Variants in SLC15A2 observed in about 807,000 individuals in gnomAD.
SLC15A2 encodes the protein kidney H(+)/peptide cotransporter.
SLC15A2 carries 77 observed loss-of-function variants against 95.5 expected under a neutral mutation model. The observed-to-expected ratio is 0.81, with a 90% CI of 0.67 to 0.97. The LOEUF (loss-of-function observed/expected upper bound fraction) is 0.97, where lower values mean the gene tolerates loss of function less well. Ranked by LOEUF, SLC15A2 falls within the 50% of genes least tolerant of loss-of-function variation. SLC15A2 has a pLI of 0.00. For missense variants in SLC15A2, 893 were observed against 874.4 expected (o/e 1.02, Z -0.27); for synonymous variants, 306 against 306.9 (o/e 1.00, Z 0.03).
chr3:121,917,115 C>G (rs1709911396), intron 7 of SLC15A2, among the ~76,000 whole-genome samples: 1 of 152,138 alleles, frequency 6.6e-6, no homozygotes, highest in Non-Finnish European at 1.5e-5. Context: ...CCACCACGCC[C>G]AGCCAATTAA....
At chr3:121,910,416 C>T (rs1161293682) in intron 3 of SLC15A2, among the ~76,000 whole-genome samples, 2 of 152,004 alleles carry the variant, frequency 1.3e-5, no homozygotes, top group Admixed American at 6.5e-5. Context: ...AGGATGGTCT[C>T]GATCTCCTGA....
intron 7 of SLC15A2, among the ~76,000 whole-genome samples, chr3:121,919,169 G>A (rs1380439587): frequency 6.6e-6 from 1 of 152,190 alleles, no homozygotes; most frequent in Non-Finnish European, 1.5e-5. Flanking sequence ...GTAGTTCAAC[G>A]AGCAGGAGCA....
intron 1 of SLC15A2, 59 bp downstream of exon 1, chr3:121,894,640 T>C (rs1326862237): frequency 2.3e-6 from 3 of 1,327,612 alleles, no homozygotes; most frequent in Non-Finnish European, 3.2e-6. Flanking sequence ...TTTGGCTCTC[T>C]TCCTTGGGCT....
intron 7 of SLC15A2, among the ~76,000 whole-genome samples, chr3:121,921,060 A>G (rs1298989551): frequency 6.6e-6 from 1 of 152,240 alleles, no homozygotes; most frequent in Non-Finnish European, 1.5e-5. Flanking sequence ...AAATAAAAGG[A>G]AAATTAAAGA....
At chr3:121,920,670 C>T (rs190124969) in intron 7 of SLC15A2, among the ~76,000 whole-genome samples, 1 of 152,150 alleles carries the variant, frequency 6.6e-6, no homozygotes, top group African/African-American at 2.4e-5. Context: ...TTTCTATCAA[C>T]CATGAGAAGG....
At chr3:121,924,831 A>G (rs1710080793) in intron 12 of SLC15A2, 114 bp from the exon 13 acceptor site, 4 of 788,142 alleles carry the variant, frequency 5.1e-6, no homozygotes, top group African/African-American at 3.4e-5. Flanking sequence ...TGTACTTACA[A>G]TGACAAAAGT....
In SLC15A2 at chr3:121,895,427, T is replaced by C. The variant is rs540181104; in HGVS notation, c.105+846T>C. On this transcript the variant is annotated intron_variant, in intron 1 of 21. Transcript: ENST00000489711. Reference sequence around the variant, plus strand: ...AACAAGCTATTATAAAACATTAAAATATATTAATATTTAGGAGGATCATTT... The same window carrying C: ...AACAAGCTATTATAAAACATTAAAACATATTAATATTTAGGAGGATCATTT... 31 of 152,340 alleles carry C rather than the reference T, an allele frequency of 2.0e-4. No homozygotes were observed. The South Asian group carries it at 6.4e-3, about 32-fold the overall frequency. 9.4% of individuals were successfully genotyped at this position (152,340 alleles called of 1,614,324 possible).
chr3:121,895,159 T>C (rs1303050615), intron 1 of SLC15A2, among the ~76,000 whole-genome samples: 1 of 152,226 alleles, frequency 6.6e-6, no homozygotes, highest in African/African-American at 2.4e-5. Flanking sequence ...GAGGATATAG[T>C]AATGATAGCC....
At chr3:121,918,695 A>G (rs1364917390) in intron 7 of SLC15A2, among the ~76,000 whole-genome samples, 4 of 152,210 alleles carry the variant, frequency 2.6e-5, no homozygotes, top group Non-Finnish European at 5.9e-5. Flanking sequence ...GTTATCTTGG[A>G]TATGAAGAAG....
At position 121,941,718 on chromosome 3, in the gene SLC15A2, T is replaced by C. The variant is rs1191372326; in HGVS notation, c.*711T>C. 2 of 152,252 alleles carry C rather than the reference T, an allele frequency of 1.3e-5. No homozygotes were observed. Among genetic ancestry groups the C allele is most frequent in the Non-Finnish European group, 2.9e-5 (2 of 68,046 alleles). The allele number at this position is 152,252 out of a possible 1,614,324, so 9.4% of individuals were successfully genotyped here. ...AGAGATAGTAAGCATTAGTAAACAT[T>C]GTTCTGGAGAACAGGAACAGGTGTA... is the stretch of plus-strand genomic sequence containing the variant. On this transcript the variant is annotated 3_prime_UTR_variant, in exon 22 of 22. Coordinates refer to ENST00000489711, the MANE Select transcript of SLC15A2 (RefSeq NM_021082.4).
chr3:121,897,463 G>T lies in SLC15A2; in HGVS notation c.269G>T (p.Ser90Ile). The change falls in exon 3 of 22, where the codon AGC becomes ATC. Residue 90 changes from serine to isoleucine, a missense_variant. Physicochemically the swap from Ser to Ile is moderately radical, Grantham distance 142. Transcript: ENST00000489711. ...TCCACATCTATATACCATGCCTTCA[G>T]CAGCCTCTGTTATTTTACTCCCATC... The part of the protein sequence containing the change: ...DTSTSIYHAF[S>I]SLCYFTPILG... The T allele has an allele frequency of 6.2e-7, 1 of 1,613,834 alleles. No homozygotes were observed. Among genetic ancestry groups the T allele is most frequent in the Non-Finnish European group, 8.5e-7 (1 of 1,179,942 alleles).
chr3:121,899,437 TC>T (rs141058731), intron 3 of SLC15A2, among the ~76,000 whole-genome samples: 3,827 of 152,228 alleles, frequency 0.025, 146 homozygotes, highest in African/African-American at 0.087. Flanking sequence ...CAGAGTCTTT[TC>T]CTTCAACTAG....
At chr3:121,917,374 GCATAGAAGCAAT>G in intron 7 of SLC15A2, among the ~76,000 whole-genome samples, 1 of 152,286 alleles carries the variant, frequency 6.6e-6, no homozygotes, top group Middle Eastern at 3.4e-3. Flanking sequence ...CTATGGGAAT[GCATAGAAGCAAT>G]GTTTAATTAA....
At position 121,929,454 on chromosome 3, in the gene SLC15A2, G is replaced by A. The variant is rs939895765; in HGVS notation, c.1553+106G>A. The A allele has an allele frequency of 2.8e-5, 34 of 1,228,724 alleles. 1 individual carries two copies. Among genetic ancestry groups the A allele is most frequent in the South Asian group, 1.3e-4 (10 of 75,902 alleles). The allele number at this position is 1,228,724 out of a possible 1,614,324, so 76.1% of individuals were successfully genotyped here. ...TTGTTCTGAACAGGAATTCCCTCTC[G>A]TAGAATGCCAGGGGCACTGGTGTCA... is the stretch of plus-strand genomic sequence containing the variant. On this transcript the variant is annotated intron_variant, in intron 17 of 21. Transcript: ENST00000489711.
intron 15 of SLC15A2, 88 bp downstream of exon 15, chr3:121,928,643 TC>T (rs768309844): frequency 2.3e-4 from 327 of 1,395,776 alleles, no homozygotes; most frequent in Non-Finnish European, 2.6e-4. Context: ...ATAAGCATCT[TC>T]CCATGTCTTT....
At chr3:121,922,125 G>A in intron 7 of SLC15A2, 95 bp from the exon 8 acceptor site, 1 of 939,820 alleles carries the variant, frequency 1.1e-6, no homozygotes. Flanking sequence ...AGTTATTGTG[G>A]TTTTTGCCAT....
At chr3:121,920,005 C>A (rs1473247878) in intron 7 of SLC15A2, among the ~76,000 whole-genome samples, 2 of 152,094 alleles carry the variant, frequency 1.3e-5, no homozygotes, top group African/African-American at 4.8e-5. Flanking sequence ...GAAGGAGTTT[C>A]CATTTGAAGG....
At chr3:121,939,293 A>C in intron 19 of SLC15A2, 56 bp from the exon 20 acceptor site, 1 of 1,326,388 alleles carries the variant, frequency 7.5e-7, no homozygotes, top group Non-Finnish European at 1.0e-6. Context: ...TGCTGTAGTT[A>C]GAAATATTTA....
chr3:121,915,117 C>T (rs2049331), intron 5 of SLC15A2, 110 bp from the exon 6 acceptor site: 488,389 of 1,078,736 alleles, frequency 0.45, 115,101 homozygotes, highest in East Asian at 0.72. Context: ...ATTGTGGAGG[C>T]AATATCTGAA....
Sources: gnomAD v4.1 joint callset for allele counts (sites outside exome capture counted in the v4.1 genomes callset) on GRCh38, gnomAD v4.1.1 for gene constraint, MANE v1.5 for transcripts, NCBI Gene and HGNC (gene_info 2026-07-23, HGNC 2026-07-21) for gene names.